The following GRID2 variants were observed in gnomAD, a reference collection of about 807,000 sequenced individuals.
GRID2 encodes the protein glutamate receptor ionotropic, delta-2.
A neutral mutation model predicts 114.8 loss-of-function variants in GRID2; 33 were observed. The ratio of observed to expected loss-of-function variants is 0.29; its 90% CI spans 0.22 to 0.38. The LOEUF (loss-of-function observed/expected upper bound fraction) is 0.38, where lower values mean the gene tolerates loss of function less well. GRID2 is among the 10% of genes least tolerant of loss of function. GRID2 has a pLI of 1.00. For missense variants in GRID2, 1,184 were observed against 1,257.7 expected, an observed-to-expected ratio of 0.94 and a Z score of 0.89; for synonymous variants, 505 against 449.9, an observed-to-expected ratio of 1.12 and a Z score of -1.55.
At chr4:92,386,401 C>T (rs750400023) in intron 1 of GRID2, among the ~76,000 whole-genome samples, 2 of 151,634 alleles carry the variant, frequency 1.3e-5, no homozygotes, top group Non-Finnish European at 3.0e-5. Flanking sequence ...TTTTAAAGTC[C>T]TAATGTATGG....
chr4:93,679,743 C>A (rs1421287725), intron 14 of GRID2, among the ~76,000 whole-genome samples: 1 of 150,786 alleles, frequency 6.6e-6, no homozygotes, highest in Non-Finnish European at 1.5e-5. Flanking sequence ...AACAAAGACA[C>A]AACATACCAG....
chr4:93,009,668 GTTGTTTGT>G (rs1436670940), intron 2 of GRID2, among the ~76,000 whole-genome samples: 1 of 152,002 alleles, frequency 6.6e-6, no homozygotes, highest in African/African-American at 2.4e-5. Context: ...ATTTTTTATT[GTTGTTTGT>G]TTGTTTGTTT....
chr4:92,635,452 C>T (rs565754410), intron 2 of GRID2, among the ~76,000 whole-genome samples: 8 of 152,006 alleles, frequency 5.3e-5, no homozygotes, highest in African/African-American at 1.9e-4. Flanking sequence ...TTTGTTATTT[C>T]TCATAAGTTT....
chr4:92,346,641 C>G lies in GRID2; in HGVS notation c.88+41897C>G, dbSNP rs565032360. 5.3e-5 allele frequency among the ~76,000 whole-genome samples: 8 copies of G among 152,292 alleles called. No homozygotes were observed. In the South Asian group the frequency reaches 1.7e-3, roughly 32 times the overall value. On this transcript the variant is annotated intron_variant, in intron 1 of 15. Transcript: ENST00000282020. ...TGGCCTCTGGGATTACAGGCATGAGCCACCGTGCCCAGCCTATTTCCTGAA... is the reference window on the plus strand; with the variant it reads ...TGGCCTCTGGGATTACAGGCATGAGGCACCGTGCCCAGCCTATTTCCTGAA...
chr4:92,884,059 A>G (rs2149461098), intron 2 of GRID2, among the ~76,000 whole-genome samples: 1 of 151,880 alleles, frequency 6.6e-6, no homozygotes, highest in Non-Finnish European at 1.5e-5. Flanking sequence ...TTATATCTAC[A>G]CTAAAAATCG....
intron 2 of GRID2, among the ~76,000 whole-genome samples, chr4:93,082,911 A>G (rs1248309515): frequency 6.6e-6 from 1 of 152,224 alleles, no homozygotes; most frequent in Admixed American, 6.5e-5. Context: ...AGATTAATAT[A>G]TGACTTTTCA....
intron 2 of GRID2, among the ~76,000 whole-genome samples, chr4:92,935,699 G>A (rs1352467004): frequency 6.8e-6 from 1 of 146,980 alleles, no homozygotes; most frequent in Admixed American, 7.4e-5. Flanking sequence ...GGAATACTAT[G>A]CAGCCATAAA....
chr4:92,978,117 G>A (rs1753980943), intron 2 of GRID2, among the ~76,000 whole-genome samples: 1 of 152,088 alleles, frequency 6.6e-6, no homozygotes, highest in Non-Finnish European at 1.5e-5. Context: ...GAATTAGAGT[G>A]TGCCTATGGA....
At chr4:93,761,488 A>C (rs1037685307) in intron 14 of GRID2, among the ~76,000 whole-genome samples, 2 of 152,198 alleles carry the variant, frequency 1.3e-5, no homozygotes, top group African/African-American at 4.8e-5. Context: ...CTACAAAGGC[A>C]GAGTTGAGTA....
intron 2 of GRID2, among the ~76,000 whole-genome samples, chr4:92,649,220 A>T (rs1374593546): frequency 8.2e-6 from 1 of 122,412 alleles, no homozygotes; most frequent in Non-Finnish European, 1.7e-5. Context: ...TTGCCATATG[A>T]CTATGGAGGT....
intron 4 of GRID2, among the ~76,000 whole-genome samples, chr4:93,175,372 T>C (rs1739256879): frequency 6.6e-6 from 1 of 152,162 alleles, no homozygotes. Flanking sequence ...GGTTTCATCA[T>C]GTTGGCCAGG....
At chr4:93,510,288 A>G (rs1250178961) in intron 12 of GRID2, among the ~76,000 whole-genome samples, 3 of 152,168 alleles carry the variant, frequency 2.0e-5, no homozygotes, top group Non-Finnish European at 2.9e-5. Flanking sequence ...GTTCTACACA[A>G]CCAGGCTAAA....
At chr4:93,302,848 G>A (rs1161764887) in intron 8 of GRID2, among the ~76,000 whole-genome samples, 5 of 152,194 alleles carry the variant, frequency 3.3e-5, no homozygotes, top group Non-Finnish European at 7.3e-5. Flanking sequence ...TGTTTCTGTA[G>A]AGCCTGGGCT....
rs537679876 is a variant in GRID2 at position 93,187,738 on chromosome 4, C to T, written c.736-19666C>T. On this transcript the variant is annotated intron_variant, in intron 4 of 15. Transcript: ENST00000282020. ...CCTGTGAAATAAAACAACTTATGTG[C>T]TTCCAACATACAATGATTGGACAGA... Among the ~76,000 whole-genome samples, 12 of 152,292 alleles carry T rather than the reference C, an allele frequency of 7.9e-5. No homozygotes were observed. In the South Asian group the frequency reaches 2.3e-3, roughly 29 times the overall value.
At chr4:92,643,084 T>C (rs929729396) in intron 2 of GRID2, among the ~76,000 whole-genome samples, 3 of 151,820 alleles carry the variant, frequency 2.0e-5, no homozygotes, top group Non-Finnish European at 4.4e-5. Flanking sequence ...ATTTGTGCTC[T>C]TTTTTGGTTC....
intron 8 of GRID2, among the ~76,000 whole-genome samples, chr4:93,348,975 A>G (rs1760516866): frequency 6.6e-6 from 1 of 152,066 alleles, no homozygotes; most frequent in South Asian, 2.1e-4. Flanking sequence ...TTATTTATTT[A>G]TTTATTAGCT....
intron 1 of GRID2, among the ~76,000 whole-genome samples, chr4:92,523,361 G>A (rs991640196): frequency 2.0e-5 from 3 of 151,944 alleles, no homozygotes; most frequent in Non-Finnish European, 2.9e-5. Flanking sequence ...AAATATTAGA[G>A]TAAAATTCTG....
intron 2 of GRID2, among the ~76,000 whole-genome samples, chr4:92,996,571 T>G (rs2149211231): frequency 6.6e-6 from 1 of 152,268 alleles, no homozygotes; most frequent in South Asian, 2.1e-4. Context: ...TACTGATGTC[T>G]TCAGGAGATT....
intron 2 of GRID2, among the ~76,000 whole-genome samples, chr4:92,660,730 G>A (rs368522464): frequency 4.2e-4 from 64 of 150,798 alleles, no homozygotes; most frequent in African/African-American, 1.4e-3. Flanking sequence ...CATTTCCCTT[G>A]CATATACCCA....
Sources: allele counts gnomAD v4.1 joint callset (sites outside exome capture counted in the v4.1 genomes callset), GRCh38; gene constraint gnomAD v4.1.1; transcripts MANE v1.5; gene names NCBI Gene and HGNC (gene_info 2026-07-23, HGNC 2026-07-21).